Variants in OR2T8 observed in about 807,000 individuals in gnomAD.
OR2T8 encodes the protein olfactory receptor family 2 subfamily T member 8, also known as olfactory receptor 2T8.
For synonymous variants in OR2T8, 56 were observed against 154.3 expected, an observed-to-expected ratio of 0.36 and a Z score of 4.72; for missense variants, 161 against 389.4, an observed-to-expected ratio of 0.41 and a Z score of 4.94.
chr1:247,920,929 T>C, intron 1 of OR2T8, 69 bp from the exon 2 acceptor site: 1 of 1,176,314 alleles, frequency 8.5e-7, no homozygotes, highest in Non-Finnish European at 1.2e-6. Flanking sequence ...TTTTCTATTT[T>C]TTTACTACGT....
At chr1:247,920,961 A>G (rs1659999679) in intron 1 of OR2T8, 37 bp from the exon 2 acceptor site, 1 of 1,423,240 alleles carries the variant, frequency 7.0e-7, no homozygotes, top group East Asian at 2.3e-5. Context: ...AGTACCATAA[A>G]GGATAAACAC....
Position 247,922,040 on chromosome 1 carries a change from T to A in OR2T8, c.*84T>A. 7.5e-7 allele frequency: 1 copy of A among 1,331,330 alleles called. No homozygotes were observed. The highest frequency in any genetic ancestry group is 2.3e-5 in the East Asian group (1 of 42,900). The allele number at this position is 1,331,330 out of a possible 1,614,324, so 82.5% of individuals were successfully genotyped here. A position where few individuals can be genotyped will look rare whatever the true frequency, so the allele number is the denominator to read the frequency against. On this transcript the variant is annotated 3_prime_UTR_variant, in exon 2 of 2. Transcript: ENST00000641945. ...GAAATAAGGAATATACACTTTTATT[T>A]CTACATCTGTTGTCTCTGTGTGTGT...
Position 247,922,076 on chromosome 1 carries a change from G to C in OR2T8, c.*120G>C. 9.3e-7 allele frequency: 1 copy of C among 1,074,044 alleles called. No homozygotes were observed. The highest frequency in any genetic ancestry group is 1.3e-6 in the Non-Finnish European group (1 of 751,848). The allele number at this position is 1,074,044 out of a possible 1,614,324, so 66.5% of individuals were successfully genotyped here. On this transcript the variant is annotated 3_prime_UTR_variant, in exon 2 of 2. Transcript: ENST00000641945. ...TGTCTCTGTGTGTGTGTGTGTTTGT[G>C]TGTTGCTTTGAATTGCAGATGAATC...
Position 247,921,544 on chromosome 1 carries a change from T to A in OR2T8, c.527T>A (p.Phe176Tyr), listed in dbSNP as rs746483893. 1 of 1,473,100 alleles carries A rather than the reference T, an allele frequency of 6.8e-7. No individual in the cohort carries two copies. The highest frequency in any genetic ancestry group is 9.1e-7 in the Non-Finnish European group (1 of 1,095,432). 91.3% of individuals were successfully genotyped at this position (1,473,100 alleles called of 1,614,324 possible). Residue 176 changes from phenylalanine (F) to tyrosine (Y), a missense_variant, in exon 2 of 2, where the codon TTC becomes TAC. Physicochemically the swap from Phe to Tyr is conservative, Grantham distance 22 (BLOSUM62 3). Coordinates refer to ENST00000641945, the MANE Select transcript of OR2T8 (RefSeq NM_001005522.2). ...GGTGCACACGAGATCGATCACTTCTTCTGCGAGACCCCCGTGCTGGTGCGT... is the reference window on the plus strand; with the variant it reads ...GGTGCACACGAGATCGATCACTTCTACTGCGAGACCCCCGTGCTGGTGCGT... The part of the protein sequence containing the change: ...YCGAHEIDHF[F>Y]CETPVLVRLA...
chr1:247,921,317 C>T lies in OR2T8; in HGVS notation c.300C>T (p.Phe100=). The T allele has an allele frequency of 1.1e-6, 1 of 880,022 alleles. No individual in the cohort carries two copies. The highest frequency in any genetic ancestry group is 1.7e-6 in the Non-Finnish European group (1 of 589,552). The allele number at this position is 880,022 out of a possible 1,614,324, so 54.5% of individuals were successfully genotyped here. A position where few individuals can be genotyped will look rare whatever the true frequency, so the allele number is the denominator to read the frequency against. Residue 100 remains phenylalanine, a synonymous_variant, in exon 2 of 2, where the codon TTC becomes TTT. Coordinates refer to ENST00000641945, the MANE Select transcript of OR2T8 (RefSeq NM_001005522.2). ...ISRAGCGAQI[F]FLPTLGGGEC... ...GCGCTGGCTGTGGTGCGCAGATCTT[C>T]TTCCTCCCCACACTGGGTGGTGGAG... is the stretch of plus-strand genomic sequence containing the variant.
Position 247,922,529 on chromosome 1 carries a change from A to C in OR2T8, c.*573A>C, listed in dbSNP as rs1007341108. On this transcript the variant is annotated 3_prime_UTR_variant, in exon 2 of 2. Transcript: ENST00000641945. ...TTTCACATCAAAGGAAACAAATAGTATGGTCTTGAATCTTGTTTCCTTCTT... is the reference window on the plus strand; with the variant it reads ...TTTCACATCAAAGGAAACAAATAGTCTGGTCTTGAATCTTGTTTCCTTCTT... Among the ~76,000 whole-genome samples the C allele has an allele frequency of 6.6e-6, 1 of 152,192 alleles. No homozygotes were observed. The highest frequency in any genetic ancestry group is 1.5e-5 in the Non-Finnish European group (1 of 68,032).
rs1660017061 is a variant in OR2T8 at position 247,921,538 on chromosome 1, A to C, written c.521A>C (p.His174Pro). ...FPYCGAHEID[H>P]FFCETPVLVR... ...TATTGCGGTGCACACGAGATCGATCACTTCTTCTGCGAGACCCCCGTGCTG... is the reference window on the plus strand; with the variant it reads ...TATTGCGGTGCACACGAGATCGATCCCTTCTTCTGCGAGACCCCCGTGCTG... Residue 174 changes from histidine (H) to proline (P), a missense_variant, in exon 2 of 2, where the codon CAC (histidine) becomes CCC (proline). Coordinates refer to ENST00000641945, the MANE Select transcript of OR2T8 (RefSeq NM_001005522.2). 1 of 1,479,274 alleles carries C rather than the reference A, an allele frequency of 6.8e-7. No individual in the cohort carries two copies. The highest frequency in any genetic ancestry group is 2.1e-5 in the Admixed American group (1 of 48,072). 91.6% of individuals were successfully genotyped at this position (1,479,274 alleles called of 1,614,324 possible).
intron 1 of OR2T8, 89 bp downstream of exon 1, chr1:247,920,607 T>G (rs1659994021): frequency 6.4e-5 from 12 of 188,232 alleles, no homozygotes; most frequent in Middle Eastern, 2.5e-3. Context: ...ACTGACTTAA[T>G]TCAGCTTCTA....
At position 247,921,737 on chromosome 1, in the gene OR2T8, T is replaced by G. The variant is rs757609753; in HGVS notation, c.720T>G (p.Ser240=). The change falls in exon 2 of 2, where the codon TCT becomes TCG. Residue 240 remains serine (S), a synonymous_variant. Transcript: ENST00000641945. The part of the protein sequence containing the change: ...EARKKAFATC[S]SHVAVVGLFY... ...GCAAGAAGGCCTTTGCCACCTGCTC[T>G]TCACATGTGGCTGTGGTGGGACTCT... The G allele has an allele frequency of 1.9e-6, 3 of 1,593,552 alleles. No individual in the cohort carries two copies. Among genetic ancestry groups the G allele is most frequent in the African/African-American group, 2.7e-5 (2 of 72,974 alleles).
chr1:247,921,113 C>T lies in OR2T8; in HGVS notation c.96C>T (p.Ile32=), dbSNP rs369748850. The T allele has an allele frequency of 1.9e-5, 31 of 1,607,908 alleles. No homozygotes were observed. The highest frequency in any genetic ancestry group is 2.3e-5 in the Non-Finnish European group (27 of 1,177,464). The change falls in exon 2 of 2, where the codon ATC becomes ATT. Residue 32 remains isoleucine, a synonymous_variant. Transcript: ENST00000641945. ...TCCTCTTCATGATGGTTCTGAGTAT[C>T]GTTTTGACCTCCCTGTTTGGCAATT... ...HQVLFMMVLS[I]VLTSLFGNSL...
rs538924152 is a variant in OR2T8 at position 247,922,576 on chromosome 1, A to C, written c.*620A>C. On this transcript the variant is annotated 3_prime_UTR_variant, in exon 2 of 2. Coordinates refer to ENST00000641945, the MANE Select transcript of OR2T8 (RefSeq NM_001005522.2). Reference sequence around the variant, plus strand: ...TCTTTCAGCTTAATGTATTTCTAAAATCCCTCCACATTTTTACCTCATTGT... The same window carrying C: ...TCTTTCAGCTTAATGTATTTCTAAACTCCCTCCACATTTTTACCTCATTGT... Among the ~76,000 whole-genome samples, 1 of 152,254 alleles carries C rather than the reference A, an allele frequency of 6.6e-6. No homozygotes were observed. The highest frequency in any genetic ancestry group is 6.5e-5 in the Admixed American group (1 of 15,290).
chr1:247,920,288 GTGTGT>G lies in OR2T8; in HGVS notation c.-249_-245del, dbSNP rs1659990385. The G allele has an allele frequency of 6.6e-6, 1 of 152,174 alleles. No individual in the cohort carries two copies. The highest frequency in any genetic ancestry group is 1.5e-5 in the Non-Finnish European group (1 of 68,032). The allele number at this position is 152,174 out of a possible 1,614,324, so 9.4% of individuals were successfully genotyped here. A position where few individuals can be genotyped will look rare whatever the true frequency, so the allele number is the denominator to read the frequency against. ...AGTACCTTGTACAGTTAATGAAAATGTGTGTTTACCATTATACTCTTACACTGCAA... is the reference window on the plus strand; with the variant it reads ...AGTACCTTGTACAGTTAATGAAAATGTTACCATTATACTCTTACACTGCAA... On this transcript the variant is annotated 5_prime_UTR_variant, in exon 1 of 2. An upstream open reading frame in the 5' UTR gains an earlier in-frame stop. Coordinates refer to ENST00000641945, the MANE Select transcript of OR2T8 (RefSeq NM_001005522.2).
intron 1 of OR2T8, among the ~76,000 whole-genome samples, chr1:247,920,747 T>C (rs1168750952): frequency 6.6e-6 from 1 of 152,200 alleles, no homozygotes; most frequent in Non-Finnish European, 1.5e-5. Context: ...TTGCAACTTA[T>C]CCAGAACGTG....
rs200421334 is a variant in OR2T8, at chr1:247,921,003, C to G, written c.-15C>G. ...TTCTTTTTCTCCATTTGCAGTGTCA[C>G]TCTTATTTGAAATCATGGAAAATGG... On this transcript the variant is annotated 5_prime_UTR_variant, in exon 2 of 2. Coordinates refer to ENST00000641945, the MANE Select transcript of OR2T8 (RefSeq NM_001005522.2). The G allele has an allele frequency of 5.1e-6, 8 of 1,580,682 alleles. No individual in the cohort carries two copies. The highest frequency in any genetic ancestry group is 6.9e-6 in the Non-Finnish European group (8 of 1,158,574).
chr1:247,921,960 T>G lies in OR2T8; in HGVS notation c.*4T>G, dbSNP rs1558368567. The G allele has an allele frequency of 2.5e-6, 4 of 1,612,034 alleles. No homozygotes were observed. Among genetic ancestry groups the G allele is most frequent in the Non-Finnish European group, 3.4e-6 (4 of 1,178,756 alleles). On this transcript the variant is annotated 3_prime_UTR_variant, in exon 2 of 2. Coordinates refer to ENST00000641945, the MANE Select transcript of OR2T8 (RefSeq NM_001005522.2). ...TGTGGCCTTAAGTCGTGAATAAGAC[T>G]ATATATTTGCCCCAACATTCAAAAC...
rs41315864 is a variant in OR2T8 at position 247,921,209 on chromosome 1, T to C, written c.192T>C (p.Leu64=). Residue 64 remains leucine (L), a synonymous_variant, in exon 2 of 2, where the codon CTT becomes CTC. Coordinates refer to ENST00000641945, the MANE Select transcript of OR2T8 (RefSeq NM_001005522.2). ...HTPMYFLLSQ[L]SLMDVMLVST... The stretch of plus-strand genomic sequence containing the variant: ...CCATGTACTTCCTCCTGAGCCAACT[T>C]TCCCTCATGGACGTGATGCTGGTTT... 497,688 of 1,350,830 alleles carry C rather than the reference T, an allele frequency of 0.37. 90,059 individuals are homozygous for C. Among genetic ancestry groups the C allele is most frequent in the South Asian group, 0.58 (47,736 of 81,808 alleles). 83.7% of individuals were successfully genotyped at this position (1,350,830 alleles called of 1,614,324 possible).
At chr1:247,920,758 G>A (rs546176329) in intron 1 of OR2T8, among the ~76,000 whole-genome samples, 2 of 152,280 alleles carry the variant, frequency 1.3e-5, no homozygotes, top group South Asian at 4.1e-4. Context: ...CCAGAACGTG[G>A]ATTTGTGATA....
chr1:247,920,983 T>C lies in OR2T8; in HGVS notation c.-20-15T>C, dbSNP rs201254966. The stretch of plus-strand genomic sequence containing the variant: ...TAAAGGATAAACACTCTGTCTTCTT[T>C]TTCTCCATTTGCAGTGTCACTCTTA... On this transcript the variant is annotated splice_polypyrimidine_tract_variant and intron_variant, in intron 1 of 1. Coordinates refer to ENST00000641945, the MANE Select transcript of OR2T8 (RefSeq NM_001005522.2). The C allele has an allele frequency of 2.7e-4, 406 of 1,526,374 alleles. No homozygotes were observed. In the African/African-American group the frequency reaches 4.9e-3, roughly 19 times the overall value. The allele number at this position is 1,526,374 out of a possible 1,614,324, so 94.6% of individuals were successfully genotyped here. A position where few individuals can be genotyped will look rare whatever the true frequency, so the allele number is the denominator to read the frequency against.
chr1:247,922,070 G>A lies in OR2T8; in HGVS notation c.*114G>A. 1 of 1,092,782 alleles carries A rather than the reference G, an allele frequency of 9.2e-7. No individual in the cohort carries two copies. Among genetic ancestry groups the A allele is most frequent in the Non-Finnish European group, 1.3e-6 (1 of 767,138 alleles). The allele number at this position is 1,092,782 out of a possible 1,614,324, so 67.7% of individuals were successfully genotyped here. A position where few individuals can be genotyped will look rare whatever the true frequency, so the allele number is the denominator to read the frequency against. ...ATCTGTTGTCTCTGTGTGTGTGTGT[G>A]TTTGTGTGTTGCTTTGAATTGCAGA... is the stretch of plus-strand genomic sequence containing the variant. On this transcript the variant is annotated 3_prime_UTR_variant, in exon 2 of 2. Coordinates refer to ENST00000641945, the MANE Select transcript of OR2T8 (RefSeq NM_001005522.2).
Sources: gnomAD v4.1 joint callset for allele counts (sites outside exome capture counted in the v4.1 genomes callset) on GRCh38, gnomAD v4.1.1 for gene constraint, MANE v1.5 for transcripts, NCBI Gene and HGNC (gene_info 2026-07-23, HGNC 2026-07-21) for gene names.